Variants in DNAJC5B observed in about 807,000 individuals in gnomAD.
DNAJC5B encodes the protein DnaJ heat shock protein family (Hsp40) member C5 beta.
A neutral mutation model predicts 24.7 loss-of-function variants in DNAJC5B; 23 were observed. That is an observed-to-expected ratio of 0.93 (90% CI 0.67 to 1.32). The LOEUF (loss-of-function observed/expected upper bound fraction) is 1.32, where lower values mean the gene tolerates loss of function less well. Ranked by LOEUF, DNAJC5B falls within the 40% of genes most tolerant of loss-of-function variation. The pLI, the probability that DNAJC5B is intolerant of heterozygous loss-of-function variation, is 0.00. For synonymous variants in DNAJC5B, 101 were observed against 90.1 expected (o/e 1.12, Z -0.68); for missense variants, 238 against 240.8 (o/e 0.99, Z 0.08).
chr8:66,088,553 C>T (rs1220327361), intron 5 of DNAJC5B, among the ~76,000 whole-genome samples: 1 of 152,158 alleles, frequency 6.6e-6, no homozygotes, highest in Non-Finnish European at 1.5e-5. Context: ...CTCTGCTTGC[C>T]TTTTAAACAT....
intron 5 of DNAJC5B, among the ~76,000 whole-genome samples, chr8:66,091,777 C>T (rs74810600): frequency 0.023 from 3,464 of 151,916 alleles, 138 homozygotes; most frequent in African/African-American, 0.079. Context: ...TGAGAGACTC[C>T]ATGGTGAAAA....
intron 3 of DNAJC5B, among the ~76,000 whole-genome samples, chr8:66,066,018 C>A (rs531821150): frequency 6.6e-6 from 1 of 152,110 alleles, no homozygotes; most frequent in Admixed American, 6.5e-5. Flanking sequence ...AGCAGACTGG[C>A]TCTACGTGGC....
chr8:66,034,968 A>G (rs1806449999), intron 1 of DNAJC5B, among the ~76,000 whole-genome samples: 1 of 152,218 alleles, frequency 6.6e-6, no homozygotes, highest in African/African-American at 2.4e-5. Flanking sequence ...CTTGTCCTCA[A>G]TAATACAAAA....
At chr8:66,082,874 C>T (rs552395900) in intron 5 of DNAJC5B, among the ~76,000 whole-genome samples, 1 of 152,128 alleles carries the variant, frequency 6.6e-6, no homozygotes, top group East Asian at 1.9e-4. Flanking sequence ...CTAGAAAAAT[C>T]GCAATTGTTT....
chr8:66,083,194 G>A (rs1424645208), intron 5 of DNAJC5B, among the ~76,000 whole-genome samples: 1 of 151,640 alleles, frequency 6.6e-6, no homozygotes, highest in Non-Finnish European at 1.5e-5. Flanking sequence ...TGTATTTTTA[G>A]TAGAGATTGG....
At chr8:66,079,003 C>T (rs904585147) in intron 4 of DNAJC5B, among the ~76,000 whole-genome samples, 5 of 152,234 alleles carry the variant, frequency 3.3e-5, no homozygotes, top group Non-Finnish European at 5.9e-5. Context: ...GTGTATAAAC[C>T]TCTTTCTTTC....
intron 5 of DNAJC5B, among the ~76,000 whole-genome samples, chr8:66,083,778 A>G (rs532002005): frequency 1.3e-5 from 2 of 152,350 alleles, no homozygotes; most frequent in East Asian, 3.9e-4. Context: ...ATCCCACTAA[A>G]TTAAACTGAA....
intron 3 of DNAJC5B, among the ~76,000 whole-genome samples, chr8:66,061,983 G>T (rs1464322415): frequency 2.0e-5 from 3 of 151,916 alleles, no homozygotes; most frequent in East Asian, 1.9e-4. Flanking sequence ...CCCTTCCTGA[G>T]GGCTTTCCTT....
rs543018412 is a variant in DNAJC5B, at chr8:66,038,770, T to C, written c.-141-4718T>C. Among the ~76,000 whole-genome samples the C allele has an allele frequency of 3.0e-4, 46 of 152,346 alleles. 2 individuals are homozygous for C. The South Asian group carries it at 9.3e-3, about 31-fold the overall frequency. ...AAATCAGGGATCAAGGTTCTGTTTA[T>C]GTTTTGTCAAACAAATACATCTGTT... On this transcript the variant is annotated intron_variant, in intron 1 of 5. Coordinates refer to ENST00000276570, the MANE Select transcript of DNAJC5B (RefSeq NM_033105.6).
chr8:66,096,389 G>A (rs1807953947), intron 5 of DNAJC5B, among the ~76,000 whole-genome samples: 1 of 152,164 alleles, frequency 6.6e-6, no homozygotes, highest in South Asian at 2.1e-4. Context: ...ACACAATTCT[G>A]TCCATAACAT....
chr8:66,021,006 C>T (rs889721044), upstream of DNAJC5B, among the ~76,000 whole-genome samples: 1 of 152,130 alleles, frequency 6.6e-6, no homozygotes, highest in African/African-American at 2.4e-5. Flanking sequence ...ACATTAGTTG[C>T]TCAGAAGTCA....
intron 1 of DNAJC5B, among the ~76,000 whole-genome samples, chr8:66,039,745 A>T (rs1246708392): frequency 6.6e-6 from 1 of 152,206 alleles, no homozygotes; most frequent in Non-Finnish European, 1.5e-5. Context: ...TTAGTCTCCT[A>T]AAATACCCAG....
intron 3 of DNAJC5B, 22 bp downstream of exon 3, chr8:66,051,688 T>C (rs770782467): frequency 1.3e-6 from 2 of 1,549,358 alleles, no homozygotes; most frequent in African/African-American, 1.4e-5. Context: ...AATGGTGACA[T>C]TTCTTCTGCT....
intron 1 of DNAJC5B, among the ~76,000 whole-genome samples, chr8:66,034,176 T>TTTTGTGTGTGTG (rs375426371): frequency 3.5e-5 from 5 of 144,190 alleles, no homozygotes; most frequent in Non-Finnish European, 7.5e-5. Context: ...TGTTGTTGTT[T>TTTTGTGTGTGTG]TGTGTGTGTG....
In DNAJC5B at chr8:66,051,520, C is replaced by T. The variant is rs1162252702; in HGVS notation, c.-17-11C>T. On this transcript the variant is annotated splice_polypyrimidine_tract_variant and intron_variant, in intron 2 of 5. Coordinates refer to ENST00000276570, the MANE Select transcript of DNAJC5B (RefSeq NM_033105.6). ...TGTGCATAACCTTCATGGCTATTTT[C>T]TCCCCTTTAGTTTTGCAGCCTTAGA... 2 of 1,529,664 alleles carry T rather than the reference C, an allele frequency of 1.3e-6. No individual in the cohort carries two copies. Among genetic ancestry groups the T allele is most frequent in the African/African-American group, 1.4e-5 (1 of 72,802 alleles). 94.8% of individuals were successfully genotyped at this position (1,529,664 alleles called of 1,614,324 possible). A position where few individuals can be genotyped will look rare whatever the true frequency, so the allele number is the denominator to read the frequency against.
chr8:66,074,963 C>T (rs759728896), intron 3 of DNAJC5B, among the ~76,000 whole-genome samples: 53 of 152,268 alleles, frequency 3.5e-4, no homozygotes, highest in Non-Finnish European at 5.6e-4. Flanking sequence ...GGTGCATCTG[C>T]CCTTGTGAGC....
At chr8:66,055,676 C>T (rs1586085764) in intron 3 of DNAJC5B, among the ~76,000 whole-genome samples, 1 of 152,206 alleles carries the variant, frequency 6.6e-6, no homozygotes, top group Non-Finnish European at 1.5e-5. Flanking sequence ...CGGTGGCTCA[C>T]ACCTGTAATC....
At chr8:66,068,205 C>T (rs931440496) in intron 3 of DNAJC5B, among the ~76,000 whole-genome samples, 25 of 152,028 alleles carry the variant, frequency 1.6e-4, no homozygotes, top group African/African-American at 6.0e-4. Context: ...ACAATATGAA[C>T]AAGATTTAGC....
intron 3 of DNAJC5B, among the ~76,000 whole-genome samples, chr8:66,073,713 C>T (rs922533195): frequency 6.6e-6 from 1 of 152,122 alleles, no homozygotes; most frequent in Non-Finnish European, 1.5e-5. Flanking sequence ...ATAGAGATCC[C>T]AGAAATCCAG....
Sources: gnomAD v4.1 joint callset for allele counts (sites outside exome capture counted in the v4.1 genomes callset) on GRCh38, gnomAD v4.1.1 for gene constraint, MANE v1.5 for transcripts, NCBI Gene and HGNC (gene_info 2026-07-23, HGNC 2026-07-21) for gene names.